The following MDN1 variants were observed in gnomAD, a reference collection of about 807,000 sequenced individuals.
MDN1 encodes the protein midasin AAA ATPase 1, also known as midasin.
MDN1 carries 266 observed loss-of-function variants against 669.2 expected under a neutral mutation model. That is an observed-to-expected ratio of 0.40 (90% CI 0.36 to 0.44). The LOEUF is 0.44. MDN1 is among the 20% of genes least tolerant of loss of function. The pLI is 1.00. For synonymous variants in MDN1, 2,385 were observed against 2,457.1 expected, an observed-to-expected ratio of 0.97 and a Z score of 0.87; for missense variants, 5,940 against 6,754.0, an observed-to-expected ratio of 0.88 and a Z score of 4.22.
intron 67 of MDN1, 130 bp from the exon 68 acceptor site, chr6:89,687,568 G>A: frequency 2.8e-6 from 2 of 702,196 alleles, no homozygotes; most frequent in Non-Finnish European, 4.8e-6. Context: ...CCAATTGTAG[G>A]AATGAATTTA....
rs77967422 is a variant in MDN1 at position 89,744,115 on chromosome 6, A to C, written c.4179-401T>G. Among the ~76,000 whole-genome samples the C allele has an allele frequency of 4.7e-3, 670 of 144,050 alleles. 19 individuals are homozygous for C. Among genetic ancestry groups the C allele is most frequent in the Non-Finnish European group, 6.0e-3 (394 of 65,348 alleles). 94.5% of individuals were successfully genotyped at this position (144,050 alleles called of 152,430 possible). On this transcript the variant is annotated intron_variant, in intron 29 of 101. Coordinates refer to ENST00000369393, the MANE Select transcript of MDN1 (RefSeq NM_014611.3). ...CGGAATGCCTTCTTAAAAAAAAAAA[A>C]AAAAAAAAAAAAAAAACCACCACCA...
At chr6:89,670,167 TA>T (rs1370016169) in intron 83 of MDN1, among the ~76,000 whole-genome samples, 405 of 21,088 alleles carry the variant, frequency 0.019, 8 homozygotes, top group Non-Finnish European at 0.027. Flanking sequence ...TATATATATA[TA>T]TATTTTTTTT....
chr6:89,677,235 A>T (rs1453882993), intron 76 of MDN1, among the ~76,000 whole-genome samples: 4 of 152,012 alleles, frequency 2.6e-5, no homozygotes, highest in Admixed American at 2.6e-4. Context: ...TGGGATTATA[A>T]GCATGTGCCA....
intron 74 of MDN1, among the ~76,000 whole-genome samples, chr6:89,680,032 T>G (rs532928033): frequency 3.3e-5 from 5 of 152,030 alleles, no homozygotes; most frequent in Non-Finnish European, 7.4e-5. Context: ...CTCACTGCAG[T>G]TGGGGGGTAG....
intron 10 of MDN1, among the ~76,000 whole-genome samples, chr6:89,780,938 C>T (rs554980942): frequency 4.6e-5 from 7 of 151,742 alleles, no homozygotes; most frequent in South Asian, 4.2e-4. Flanking sequence ...CGTGAGCCAC[C>T]GCGCCTAGCC....
chr6:89,801,056 A>G (rs1767621739), intron 2 of MDN1, among the ~76,000 whole-genome samples: 1 of 152,244 alleles, frequency 6.6e-6, no homozygotes, highest in Admixed American at 6.5e-5. Flanking sequence ...TGGTCAAGTC[A>G]GCATAGGTAA....
At chr6:89,670,488 T>A (rs1810675148) in intron 83 of MDN1, among the ~76,000 whole-genome samples, 1 of 152,056 alleles carries the variant, frequency 6.6e-6, no homozygotes, top group Admixed American at 6.6e-5. Flanking sequence ...AAAAACACTC[T>A]AATAATAACA....
intron 17 of MDN1, 21 bp downstream of exon 17, chr6:89,761,624 A>T (rs763115287): frequency 6.5e-7 from 1 of 1,547,052 alleles, no homozygotes; most frequent in Non-Finnish European, 8.9e-7. Context: ...CCCATAAGCT[A>T]AATAACAAAA....
At chr6:89,801,923 C>G (rs1767692684) in intron 2 of MDN1, among the ~76,000 whole-genome samples, 1 of 151,844 alleles carries the variant, frequency 6.6e-6, no homozygotes, top group Non-Finnish European at 1.5e-5. Flanking sequence ...GATCGTGCCA[C>G]TGCACTCCAG....
chr6:89,790,294 A>G lies in MDN1; in HGVS notation c.963T>C (p.Ser321=). ...SLQTLAMAVA[S]QNAVLLEGPI... Reference sequence around the variant, plus strand: ...GTCCTTCCAACAACACAGCATTCTGAGAAGCAACCGCCATAGCCAGGGTCT... The same window carrying G: ...GTCCTTCCAACAACACAGCATTCTGGGAAGCAACCGCCATAGCCAGGGTCT... The change falls in exon 6 of 102, where the codon TCT becomes TCC. Residue 321 remains serine, a synonymous_variant. Transcript: ENST00000369393. The G allele has an allele frequency of 6.2e-7, 1 of 1,614,162 alleles. No homozygotes were observed. The highest frequency in any genetic ancestry group is 1.1e-5 in the South Asian group (1 of 91,080).
chr6:89,740,386 A>C lies in MDN1; in HGVS notation c.4449-8T>G. 6.4e-7 allele frequency: 1 copy of C among 1,569,422 alleles called. No homozygotes were observed. Among genetic ancestry groups the C allele is most frequent in the Non-Finnish European group, 8.6e-7 (1 of 1,166,928 alleles). On this transcript the variant is annotated splice_region_variant and splice_polypyrimidine_tract_variant and intron_variant, in intron 31 of 101. Transcript: ENST00000369393. ...TTTTCTACTTCAAGGACACTAAAAG[A>C]AAAATTGAAGAACAGTGAAAAGGGC...
chr6:89,813,065 C>G (rs1014879157), intron 1 of MDN1, among the ~76,000 whole-genome samples: 2 of 152,252 alleles, frequency 1.3e-5, no homozygotes, highest in Non-Finnish European at 2.9e-5. Flanking sequence ...CTCAGCCTCC[C>G]CAGTAGCTGG....
At chr6:89,808,926 T>C (rs760543302) in intron 1 of MDN1, among the ~76,000 whole-genome samples, 2 of 152,140 alleles carry the variant, frequency 1.3e-5, no homozygotes, top group African/African-American at 4.8e-5. Context: ...AACAAAAGTA[T>C]ATGTATTTGG....
intron 73 of MDN1, 126 bp from the exon 74 acceptor site, chr6:89,680,877 G>T: frequency 1.0e-6 from 1 of 1,004,892 alleles, no homozygotes; most frequent in Non-Finnish European, 1.4e-6. Context: ...AACAAATGTA[G>T]CATCACTAAA....
intron 59 of MDN1, among the ~76,000 whole-genome samples, chr6:89,698,029 A>G (rs746318453): frequency 1.3e-5 from 2 of 152,314 alleles, no homozygotes; most frequent in Non-Finnish European, 2.9e-5. Flanking sequence ...GACAGAAACA[A>G]TTGAAAATGT....
chr6:89,709,854 T>C (rs917972294), intron 50 of MDN1, among the ~76,000 whole-genome samples: 1 of 152,206 alleles, frequency 6.6e-6, no homozygotes, highest in African/African-American at 2.4e-5. Flanking sequence ...TGATCAGATA[T>C]CTTAGATGTC....
chr6:89,810,016 A>AC (rs766839315), intron 1 of MDN1, among the ~76,000 whole-genome samples: 9 of 147,086 alleles, frequency 6.1e-5, no homozygotes, highest in Non-Finnish European at 1.1e-4. Flanking sequence ...AAAAAAAAAA[A>AC]AAAAAAAAAA....
chr6:89,740,194 T>TG, intron 32 of MDN1, 40 bp downstream of exon 32: 1 of 1,605,412 alleles, frequency 6.2e-7, no homozygotes. Flanking sequence ...TAAGCTGAGG[T>TG]CAAAACCTAG....
At chr6:89,787,666 G>A (rs1819037848) in intron 8 of MDN1, among the ~76,000 whole-genome samples, 188 bp downstream of exon 8, 1 of 151,396 alleles carries the variant, frequency 6.6e-6, no homozygotes, top group Non-Finnish European at 1.5e-5. Flanking sequence ...GTCGGGGGGG[G>A]GACCTCTTAT....
Sources: gnomAD v4.1 joint callset for allele counts (sites outside exome capture counted in the v4.1 genomes callset) on GRCh38, gnomAD v4.1.1 for gene constraint, MANE v1.5 for transcripts, NCBI Gene and HGNC (gene_info 2026-07-23, HGNC 2026-07-21) for gene names.